ZC3H14: variants seen among roughly 807,000 people sequenced by gnomAD.
ZC3H14 encodes zinc finger CCCH-type containing 14.
In ZC3H14, 31 loss-of-function variants were observed where a neutral mutation model predicts 92.4. That is an observed-to-expected ratio of 0.34 (90% CI 0.25 to 0.45). The LOEUF is 0.45. Among genes scored for constraint, ZC3H14 ranks in the 20% least tolerant of loss-of-function variants. The pLI, the probability that ZC3H14 is intolerant of heterozygous loss-of-function variation, is 1.00. For missense variants in ZC3H14, 781 were observed against 897.3 expected, an observed-to-expected ratio of 0.87 and a Z score of 1.66; for synonymous variants, 321 against 300.9, an observed-to-expected ratio of 1.07 and a Z score of -0.69.
Position 88,572,815 on chromosome 14 carries a change from A to C in ZC3H14, c.669A>C (p.Ala223=). 3.1e-6 allele frequency: 5 copies of C among 1,614,208 alleles called. No individual in the cohort carries two copies. Among genetic ancestry groups the C allele is most frequent in the Non-Finnish European group, 4.2e-6 (5 of 1,180,030 alleles). The change falls in exon 6 of 17, where the codon GCA becomes GCC. Residue 223 remains alanine (A), a synonymous_variant. Coordinates refer to ENST00000251038, the MANE Select transcript of ZC3H14 (RefSeq NM_024824.5). ...EIYRPPASRN[A]DSGVHLNRLQ... ...ATCGACCACCTGCAAGTAGAAATGC[A>C]GATAGTGGTGTTCATTTAAACAGGT...
Position 88,618,505 on chromosome 14 carries a change from G to A in ZC3H14, c.*6754G>A. Reference sequence around the variant, plus strand: ...AGAAAAGCTCTGATAAGTGGGGGAGGAAAGGGGAGCTGTAGGTCAGAAGGT... The same window carrying A: ...AGAAAAGCTCTGATAAGTGGGGGAGAAAAGGGGAGCTGTAGGTCAGAAGGT... On this transcript the variant is annotated 3_prime_UTR_variant, in exon 17 of 17. Transcript: ENST00000251038. 2 of 1,125,756 alleles carry A rather than the reference G, an allele frequency of 1.8e-6. No individual in the cohort carries two copies. The highest frequency in any genetic ancestry group is 2.5e-6 in the Non-Finnish European group (2 of 796,722). The allele number at this position is 1,125,756 out of a possible 1,614,324, so 69.7% of individuals were successfully genotyped here. A position where few individuals can be genotyped will look rare whatever the true frequency, so the allele number is the denominator to read the frequency against.
At chr14:88,579,679 G>A (rs530511589) in intron 9 of ZC3H14, among the ~76,000 whole-genome samples, 48 of 152,284 alleles carry the variant, frequency 3.2e-4, no homozygotes, top group African/African-American at 1.1e-3. Flanking sequence ...ACAGAAGAAG[G>A]TTGTTGATTC....
At chr14:88,573,806 G>A (rs553843374) in intron 6 of ZC3H14, 1 of 152,380 alleles carries the variant, frequency 6.6e-6, no homozygotes, top group African/African-American at 2.4e-5. Context: ...AGTAGAGATG[G>A]TGTTTCACCA....
chr14:88,606,920 A>G (rs552829583), intron 12 of ZC3H14, among the ~76,000 whole-genome samples: 32 of 152,176 alleles, frequency 2.1e-4, no homozygotes, highest in African/African-American at 7.7e-4. Flanking sequence ...TAATTTTATT[A>G]GTTCCCCACT....
rs2089756375 is a variant in ZC3H14, at chr14:88,625,331, G to A, written c.*13580G>A. The A allele has an allele frequency of 1.9e-6, 1 of 537,744 alleles. No homozygotes were observed. Among genetic ancestry groups the A allele is most frequent in the Non-Finnish European group, 3.2e-6 (1 of 308,324 alleles). The allele number at this position is 537,744 out of a possible 1,614,324, so 33.3% of individuals were successfully genotyped here. A position where few individuals can be genotyped will look rare whatever the true frequency, so the allele number is the denominator to read the frequency against. On this transcript the variant is annotated 3_prime_UTR_variant, in exon 17 of 17. Coordinates refer to ENST00000251038, the MANE Select transcript of ZC3H14 (RefSeq NM_024824.5). ...TCAGGACCTTTTCCTTTCCAAGTCTGTTGCTTATTAGCTAGAATAACCTTA... is the reference window on the plus strand; with the variant it reads ...TCAGGACCTTTTCCTTTCCAAGTCTATTGCTTATTAGCTAGAATAACCTTA...
chr14:88,563,499 G>C, intron 1 of ZC3H14, 152 bp from the exon 2 acceptor site: 1 of 1,504,606 alleles, frequency 6.6e-7, no homozygotes, highest in South Asian at 1.2e-5. Flanking sequence ...TGGGGTGCGG[G>C]GTGGGGGGCG....
chr14:88,572,531 A>G (rs1205307811), intron 5 of ZC3H14, 47 bp from the exon 6 acceptor site: 3 of 1,605,002 alleles, frequency 1.9e-6, no homozygotes, highest in Non-Finnish European at 2.6e-6. Flanking sequence ...ATTTGGTGAT[A>G]ATTGCCCTAA....
In ZC3H14 at chr14:88,563,055, G is replaced by A; in HGVS notation, c.-79G>A. On this transcript the variant is annotated 5_prime_UTR_variant, in exon 1 of 17. Transcript: ENST00000251038. ...CGGAGGAGGAGGCGGTGGTGTCCCGGCTGCGGGGTAGGAGTCCGCGGCAGC... is the reference window on the plus strand; with the variant it reads ...CGGAGGAGGAGGCGGTGGTGTCCCGACTGCGGGGTAGGAGTCCGCGGCAGC... 1 of 1,530,392 alleles carries A rather than the reference G, an allele frequency of 6.5e-7. No individual in the cohort carries two copies. The highest frequency in any genetic ancestry group is 8.7e-7 in the Non-Finnish European group (1 of 1,143,408). The allele number at this position is 1,530,392 out of a possible 1,614,324, so 94.8% of individuals were successfully genotyped here. A position where few individuals can be genotyped will look rare whatever the true frequency, so the allele number is the denominator to read the frequency against.
In ZC3H14 at chr14:88,619,696, T is replaced by C. The variant is rs2140289213; in HGVS notation, c.*7945T>C. 6.6e-6 allele frequency: 1 copy of C among 152,342 alleles called. No individual in the cohort carries two copies. The highest frequency in any genetic ancestry group is 6.5e-5 in the Admixed American group (1 of 15,312). The allele number at this position is 152,342 out of a possible 1,614,324, so 9.4% of individuals were successfully genotyped here. A position where few individuals can be genotyped will look rare whatever the true frequency, so the allele number is the denominator to read the frequency against. ...ATCTTGGAAGAAGAATTTTTTTTTT[T>C]TGAGACGAAGTCTCGCTCTTGTCTC... On this transcript the variant is annotated 3_prime_UTR_variant, in exon 17 of 17. Coordinates refer to ENST00000251038, the MANE Select transcript of ZC3H14 (RefSeq NM_024824.5).
At chr14:88,601,357 G>A (rs1442106328) in intron 10 of ZC3H14, among the ~76,000 whole-genome samples, 2 of 152,150 alleles carry the variant, frequency 1.3e-5, no homozygotes, top group African/African-American at 2.4e-5. Flanking sequence ...GTGAGCTTAT[G>A]GTTATTTGCA....
Position 88,616,634 on chromosome 14 carries a change from A to G in ZC3H14, c.*4883A>G. 1 of 1,289,700 alleles carries G rather than the reference A, an allele frequency of 7.8e-7. No individual in the cohort carries two copies. The highest frequency in any genetic ancestry group is 1.0e-6 in the Non-Finnish European group (1 of 959,072). 79.9% of individuals were successfully genotyped at this position (1,289,700 alleles called of 1,614,324 possible). A position where few individuals can be genotyped will look rare whatever the true frequency, so the allele number is the denominator to read the frequency against. On this transcript the variant is annotated 3_prime_UTR_variant, in exon 17 of 17. Coordinates refer to ENST00000251038, the MANE Select transcript of ZC3H14 (RefSeq NM_024824.5). ...TTTGGGGAAAAATTTAGAAATTAGG[A>G]CAAAACATTTTAAATATATGGGGAA...
At chr14:88,584,573 T>C (rs899322488) in intron 9 of ZC3H14, among the ~76,000 whole-genome samples, 9 of 152,360 alleles carry the variant, frequency 5.9e-5, no homozygotes, top group Admixed American at 4.6e-4. Context: ...CATACTGTAC[T>C]ACTGTAATAA....
Position 88,626,745 on chromosome 14 carries a change from G to A in ZC3H14, c.*14994G>A. ...GGCATGTAATGATTAGCAGATCACAGTATCATCTCAACAACATTCATGTGG... is the reference window on the plus strand; with the variant it reads ...GGCATGTAATGATTAGCAGATCACAATATCATCTCAACAACATTCATGTGG... On this transcript the variant is annotated 3_prime_UTR_variant, in exon 17 of 17. Transcript: ENST00000251038. The A allele has an allele frequency of 8.0e-7, 1 of 1,244,966 alleles. No homozygotes were observed. Among genetic ancestry groups the A allele is most frequent in the Non-Finnish European group, 1.1e-6 (1 of 880,390 alleles). 77.1% of individuals were successfully genotyped at this position (1,244,966 alleles called of 1,614,324 possible).
chr14:88,602,215 C>A, intron 11 of ZC3H14, 132 bp downstream of exon 11: 2 of 1,213,346 alleles, frequency 1.6e-6, no homozygotes, highest in Admixed American at 2.2e-5. Context: ...AGTAGCTAGC[C>A]CATGAATAGT....
chr14:88,609,666 G>T, intron 14 of ZC3H14, 46 bp from the exon 15 acceptor site: 1 of 1,608,284 alleles, frequency 6.2e-7, no homozygotes, highest in Non-Finnish European at 8.5e-7. Context: ...TTAAAAATGG[G>T]TTTTCCAAAC....
chr14:88,583,157 G>C (rs544149343), intron 9 of ZC3H14, among the ~76,000 whole-genome samples: 1 of 145,914 alleles, frequency 6.9e-6, no homozygotes, highest in African/African-American at 2.5e-5. Flanking sequence ...TTTAAGAGGC[G>C]AGGTCTCACT....
chr14:88,583,143 T>TA (rs1254448277), intron 9 of ZC3H14, among the ~76,000 whole-genome samples: 1 of 151,332 alleles, frequency 6.6e-6, no homozygotes, highest in African/African-American at 2.4e-5. Context: ...TTTTATTTTT[T>TA]TTTTTTAAGA....
intron 12 of ZC3H14, among the ~76,000 whole-genome samples, chr14:88,606,255 G>A (rs1406741930): frequency 6.6e-6 from 1 of 152,162 alleles, no homozygotes; most frequent in African/African-American, 2.4e-5. Context: ...GGCAACAGGG[G>A]TCCCACTTTG....
At chr14:88,565,899 A>G (rs1432524959) in intron 2 of ZC3H14, among the ~76,000 whole-genome samples, 1 of 150,512 alleles carries the variant, frequency 6.6e-6, no homozygotes, top group African/African-American at 2.4e-5. Context: ...ATGGGGTCTC[A>G]CTCTGTGGTT....
Sources: allele counts gnomAD v4.1 joint callset (sites outside exome capture counted in the v4.1 genomes callset), GRCh38; gene constraint gnomAD v4.1.1; transcripts MANE v1.5; gene names NCBI Gene and HGNC (gene_info 2026-07-23, HGNC 2026-07-21).